Variants in ARMH3 observed in about 807,000 individuals in gnomAD.
ARMH3 encodes the protein armadillo like helical domain containing 3.
Under a neutral mutation model 99.1 loss-of-function variants are expected in ARMH3, and 60 were observed. The observed-to-expected ratio is 0.61, with a 90% CI of 0.49 to 0.75. ARMH3 has a LOEUF of 0.75. ARMH3 is among the 30% of genes least tolerant of loss of function. The pLI, the probability that ARMH3 is intolerant of heterozygous loss-of-function variation, is 0.00. For synonymous variants in ARMH3, 285 were observed against 292.8 expected (o/e 0.97, Z 0.27); for missense variants, 679 against 843.1 (o/e 0.81, Z 2.41).
At chr10:102,026,934 T>C (rs1326780357) in intron 5 of ARMH3, among the ~76,000 whole-genome samples, 1 of 152,230 alleles carries the variant, frequency 6.6e-6, no homozygotes, top group Non-Finnish European at 1.5e-5. Flanking sequence ...TCTTGTATCC[T>C]CAGTGCCTAC....
intron 23 of ARMH3, among the ~76,000 whole-genome samples, chr10:101,916,026 G>C (rs1337659549): frequency 1.3e-5 from 2 of 151,888 alleles, no homozygotes; most frequent in Admixed American, 6.6e-5. Context: ...GGATGGTCTC[G>C]ATCTCCTGAC....
chr10:102,044,807 GA>G (rs2067507100), intron 1 of ARMH3, among the ~76,000 whole-genome samples: 1 of 151,894 alleles, frequency 6.6e-6, no homozygotes, highest in African/African-American at 2.4e-5. Context: ...GAGAAGAAAA[GA>G]AAAAAGGAAG....
At chr10:101,960,625 T>C (rs994963988) in intron 20 of ARMH3, among the ~76,000 whole-genome samples, 1 of 152,054 alleles carries the variant, frequency 6.6e-6, no homozygotes, top group Non-Finnish European at 1.5e-5. Flanking sequence ...GTACAGTGGC[T>C]CATGCCTGTA....
Position 101,990,573 on chromosome 10 carries a change from C to T in ARMH3, c.1384G>A (p.Glu462Lys), listed in dbSNP as rs1244671189. The T allele has an allele frequency of 1.9e-6, 3 of 1,602,288 alleles. No individual in the cohort carries two copies. The highest frequency in any genetic ancestry group is 2.6e-6 in the Non-Finnish European group (3 of 1,169,472). Residue 462 changes from glutamate (E) to lysine (K), a missense_variant, in exon 19 of 26, where the codon GAG (glutamate) becomes AAG (lysine). Physicochemically the swap from Glu to Lys is moderately conservative, Grantham distance 56 (BLOSUM62 1). Around this residue, in one of 3 missense-constraint regions of ARMH3, gnomAD observed 389 missense variants for 456.5 expected, o/e 0.85. Coordinates refer to ENST00000370033, the MANE Select transcript of ARMH3 (RefSeq NM_024541.3). The part of the protein sequence containing the change: ...VEFIVTHMMK[E>K]FPMDLYIRCI... Reference sequence around the variant, plus strand: ...TACATATAGAGATCCATAGGAAACTCCTTCATCATGTGTGTTACAATAAAC... The same window carrying T: ...TACATATAGAGATCCATAGGAAACTTCTTCATCATGTGTGTTACAATAAAC...
intron 1 of ARMH3, among the ~76,000 whole-genome samples, chr10:102,049,321 C>T (rs562275760): frequency 3.3e-5 from 5 of 152,076 alleles, no homozygotes; most frequent in African/African-American, 7.2e-5. Context: ...GCGGGCGGAT[C>T]ACTTGAGGTC....
chr10:101,849,968 CTGGGT>C, intron 24 of ARMH3, 76 bp from the exon 25 acceptor site: 1 of 1,370,292 alleles, frequency 7.3e-7, no homozygotes, highest in Non-Finnish European at 1.0e-6. Context: ...TGCTGATCTA[CTGGGT>C]TGGGTTTGGT....
At chr10:102,046,324 A>G (rs1249955647) in intron 1 of ARMH3, among the ~76,000 whole-genome samples, 1 of 151,078 alleles carries the variant, frequency 6.6e-6, no homozygotes, top group African/African-American at 2.4e-5. Context: ...AAAGAGAGAG[A>G]AAGAGAAAAG....
chr10:101,956,796 G>C (rs1845061652), intron 21 of ARMH3, 73 bp from the exon 22 acceptor site: 2 of 1,475,238 alleles, frequency 1.4e-6, no homozygotes, highest in African/African-American at 2.8e-5. Flanking sequence ...GTATGCTGTA[G>C]CCAGCTCTTA....
intron 15 of ARMH3, among the ~76,000 whole-genome samples, chr10:102,000,139 A>C (rs1050029636): frequency 1.3e-5 from 2 of 152,218 alleles, no homozygotes; most frequent in Non-Finnish European, 2.9e-5. Context: ...ACAACAACAC[A>C]CAGAAAGAAA....
At chr10:101,958,016 T>C (rs1845117076) in intron 20 of ARMH3, among the ~76,000 whole-genome samples, 1 of 152,218 alleles carries the variant, frequency 6.6e-6, no homozygotes, top group African/African-American at 2.4e-5. Flanking sequence ...AAAACTGACA[T>C]CTTGGTGTTT....
chr10:102,047,925 T>A (rs2067597493), intron 1 of ARMH3, among the ~76,000 whole-genome samples: 2 of 152,186 alleles, frequency 1.3e-5, no homozygotes, highest in Non-Finnish European at 2.9e-5. Flanking sequence ...TGGCACCTAC[T>A]AGGTAGAGGC....
chr10:101,973,127 G>A (rs987204330), intron 20 of ARMH3, among the ~76,000 whole-genome samples: 2 of 151,860 alleles, frequency 1.3e-5, no homozygotes, highest in African/African-American at 2.4e-5. Context: ...TTGGGAGGCC[G>A]AGGTGGGCGG....
At chr10:101,956,540 A>G in intron 22 of ARMH3, 57 bp downstream of exon 22, 2 of 1,586,582 alleles carry the variant, frequency 1.3e-6, no homozygotes, top group Non-Finnish European at 1.7e-6. Flanking sequence ...TTTTCCTCTT[A>G]TATGCCAAAA....
chr10:101,995,345 C>A lies in ARMH3; in HGVS notation c.1161G>T (p.Arg387Ser), dbSNP rs375213689. The A allele has an allele frequency of 3.1e-4, 496 of 1,613,620 alleles. 1 individual carries two copies. Among genetic ancestry groups the A allele is most frequent in the Non-Finnish European group, 4.0e-4 (477 of 1,179,728 alleles). Residue 387 changes from arginine (R) to serine (S), a missense_variant, in exon 16 of 26, where the codon AGG (arginine) becomes AGT (serine). By Grantham distance (110) the Arg-to-Ser change is moderately radical. Around this residue, in one of 3 missense-constraint regions of ARMH3, gnomAD observed 389 missense variants for 456.5 expected, o/e 0.85. Transcript: ENST00000370033. Reference protein sequence around the residue: ...IVMQDTKDEHRLHSGKLCLII... With the variant: ...IVMQDTKDEHSLHSGKLCLII... Reference sequence around the variant, plus strand: ...TCAGACAGAGTTTGCCACTGTGAAGCCTGTGTTCATCTGTAAAGAAAAAAG... The same window carrying A: ...TCAGACAGAGTTTGCCACTGTGAAGACTGTGTTCATCTGTAAAGAAAAAAG...
intron 4 of ARMH3, among the ~76,000 whole-genome samples, chr10:102,032,700 G>T (rs2067159481): frequency 6.6e-6 from 1 of 152,122 alleles, no homozygotes; most frequent in Non-Finnish European, 1.5e-5. Flanking sequence ...GTGCCCAGCA[G>T]TCTTCTGATT....
At chr10:101,990,648 A>T (rs763236344) in intron 18 of ARMH3, 37 bp from the exon 19 acceptor site, 14 of 1,510,710 alleles carry the variant, frequency 9.3e-6, no homozygotes, top group Non-Finnish European at 1.3e-5. Flanking sequence ...ATCAATTACA[A>T]TGGAATTCAT....
intron 24 of ARMH3, among the ~76,000 whole-genome samples, chr10:101,863,431 GA>G (rs1353264842): frequency 6.6e-6 from 1 of 152,152 alleles, no homozygotes; most frequent in Non-Finnish European, 1.5e-5. Context: ...AGAAGAAACA[GA>G]AAAACATATA....
At chr10:102,007,137 G>A (rs1228899596) in intron 13 of ARMH3, among the ~76,000 whole-genome samples, 1 of 116,664 alleles carries the variant, frequency 8.6e-6, no homozygotes. Flanking sequence ...CTCCAGCCTG[G>A]TGACACAGCA....
Position 102,051,563 on chromosome 10 carries a change from G to C in ARMH3, c.-12+4522C>G, listed in dbSNP as rs1018237803. Among the ~76,000 whole-genome samples the C allele has an allele frequency of 3.9e-5, 6 of 152,084 alleles. No individual in the cohort carries two copies. The East Asian group carries it at 1.2e-3, about 29-fold the overall frequency. On this transcript the variant is annotated intron_variant, in intron 1 of 25. Coordinates refer to ENST00000370033, the MANE Select transcript of ARMH3 (RefSeq NM_024541.3). ...CATCATCTCTATTTTCTAGAAGCTA[G>C]GACAGAACCAGACTGATTAAGGAAG...
Sources: gnomAD v4.1 joint callset for allele counts (sites outside exome capture counted in the v4.1 genomes callset) on GRCh38, gnomAD v4.1.1 for gene constraint, gnomAD v4.1.1 regional missense constraint, MANE v1.5 for transcripts, NCBI Gene and HGNC (gene_info 2026-07-23, HGNC 2026-07-21) for gene names.